Variants in ZFYVE9 observed in about 807,000 individuals in gnomAD.
ZFYVE9 encodes zinc finger FYVE domain-containing protein 9.
A neutral mutation model predicts 126.7 loss-of-function variants in ZFYVE9; 43 were observed. The ratio of observed to expected loss-of-function variants is 0.34; its 90% CI spans 0.27 to 0.44. The LOEUF is 0.44. Among genes scored for constraint, ZFYVE9 ranks in the 20% least tolerant of loss-of-function variants. The pLI, the probability that ZFYVE9 is intolerant of heterozygous loss-of-function variation, is 1.00. For missense variants in ZFYVE9, 1,476 were observed against 1,697.0 expected (o/e 0.87, Z 2.29); for synonymous variants, 521 against 597.4 (o/e 0.87, Z 1.87).
At chr1:52,332,210 T>G (rs200167414) in intron 13 of ZFYVE9, among the ~76,000 whole-genome samples, 29 of 152,192 alleles carry the variant, frequency 1.9e-4, no homozygotes, top group African/African-American at 6.5e-4. Flanking sequence ...TTTTTTTTTT[T>G]GGATTAGGTC....
At chr1:52,150,019 TGAA>T (rs999257985) in intron 1 of ZFYVE9, 3 of 152,190 alleles carry the variant, frequency 2.0e-5, no homozygotes, top group African/African-American at 4.8e-5. Context: ...TTTATTAAAA[TGAA>T]GAAAGAGTAA....
Position 52,160,742 on chromosome 1 carries a change from T to C in ZFYVE9, c.-143+18339T>C, listed in dbSNP as rs1644450455. 4 of 396,788 alleles carry C rather than the reference T, an allele frequency of 1.0e-5. No individual in the cohort carries two copies. In the South Asian group the frequency reaches 3.2e-4, roughly 32 times the overall value. The allele number at this position is 396,788 out of a possible 1,614,324, so 24.6% of individuals were successfully genotyped here. A position where few individuals can be genotyped will look rare whatever the true frequency, so the allele number is the denominator to read the frequency against. ...ATGACATTTTTCTAAGTTGCTTTGA[T>C]TCTTTATGAATAAAAACCTTTTAGA... On this transcript the variant is annotated intron_variant, in intron 1 of 18. Coordinates refer to ENST00000287727, the MANE Select transcript of ZFYVE9 (RefSeq NM_004799.4).
chr1:52,287,697 A>C (rs951778040), intron 10 of ZFYVE9, among the ~76,000 whole-genome samples: 18 of 107,126 alleles, frequency 1.7e-4, no homozygotes, highest in Non-Finnish European at 2.5e-4. Context: ...TATCTGTACC[A>C]AAAAAAAAAA....
chr1:52,251,442 A>G (rs1024665974), intron 4 of ZFYVE9, among the ~76,000 whole-genome samples: 2 of 151,918 alleles, frequency 1.3e-5, no homozygotes, highest in Non-Finnish European at 2.9e-5. Flanking sequence ...CTTTTTCTGT[A>G]TGAATTGAGA....
chr1:52,317,867 AATAG>A lies in ZFYVE9; in HGVS notation c.3438+13946_3438+13949del, dbSNP rs1646200163. On this transcript the variant is annotated intron_variant, in intron 13 of 18. Transcript: ENST00000287727. The stretch of plus-strand genomic sequence containing the variant: ...TAAGTTTTCACAGCTCTCAAGATTA[AATAG>A]ATAACCTAAATAGCCCTGTATTTAT... Among the ~76,000 whole-genome samples, 2 of 152,208 alleles carry A rather than the reference AATAG, an allele frequency of 1.3e-5. 1 individual carries two copies. The highest frequency in any genetic ancestry group is 4.1e-4 in the South Asian group (2 of 4,824).
intron 1 of ZFYVE9, among the ~76,000 whole-genome samples, chr1:52,169,180 T>G (rs1033838414): frequency 9.2e-5 from 14 of 152,092 alleles, no homozygotes; most frequent in African/African-American, 3.4e-4. Flanking sequence ...GCGGGTAGAT[T>G]GCTTGAGTCC....
intron 9 of ZFYVE9, among the ~76,000 whole-genome samples, chr1:52,280,462 G>A (rs1449488928): frequency 6.6e-6 from 1 of 151,948 alleles, no homozygotes; most frequent in African/African-American, 2.4e-5. Flanking sequence ...CATAAAGCAA[G>A]GATTCCCAAA....
At chr1:52,304,305 C>G (rs562473369) in intron 13 of ZFYVE9, among the ~76,000 whole-genome samples, 8 of 152,196 alleles carry the variant, frequency 5.3e-5, no homozygotes, top group Non-Finnish European at 8.8e-5. Flanking sequence ...CTGTGTCGCC[C>G]AGGCTGGAGT....
chr1:52,253,562 C>A, intron 4 of ZFYVE9: 1 of 819,310 alleles, frequency 1.2e-6, no homozygotes, highest in Non-Finnish European at 2.1e-6. Flanking sequence ...GGGAGTGGCA[C>A]AGAGCTGCTG....
chr1:52,176,833 A>G (rs1471012437), intron 1 of ZFYVE9, among the ~76,000 whole-genome samples: 2 of 152,134 alleles, frequency 1.3e-5, no homozygotes, highest in African/African-American at 4.8e-5. Context: ...GCCGTTTCCT[A>G]AGCCCGTCAG....
At chr1:52,159,141 C>T (rs1644431099) in intron 1 of ZFYVE9, among the ~76,000 whole-genome samples, 1 of 152,144 alleles carries the variant, frequency 6.6e-6, no homozygotes, top group Non-Finnish European at 1.5e-5. Context: ...ATCTTTACAC[C>T]AGTTTGAGTG....
intron 4 of ZFYVE9, among the ~76,000 whole-genome samples, chr1:52,262,083 G>C (rs904713050): frequency 6.6e-6 from 1 of 152,186 alleles, no homozygotes; most frequent in Non-Finnish European, 1.5e-5. Context: ...ACAGAGATTT[G>C]TTACAGTCTG....
intron 18 of ZFYVE9, among the ~76,000 whole-genome samples, 198 bp downstream of exon 18, chr1:52,345,142 C>A (rs772093466): frequency 2.0e-5 from 3 of 152,174 alleles, no homozygotes; most frequent in Non-Finnish European, 4.4e-5. Flanking sequence ...ACCATTTGAA[C>A]TGTGGCTTCT....
chr1:52,165,106 T>TA (rs968178623), intron 1 of ZFYVE9, among the ~76,000 whole-genome samples: 235 of 151,218 alleles, frequency 1.6e-3, no homozygotes, highest in African/African-American at 4.8e-3. Context: ...TTTACCACAA[T>TA]AAAAAAAAAT....
chr1:52,261,389 C>A (rs1170536025), intron 4 of ZFYVE9, among the ~76,000 whole-genome samples: 1 of 152,124 alleles, frequency 6.6e-6, no homozygotes, highest in Non-Finnish European at 1.5e-5. Context: ...AGGTGTACTC[C>A]TCTATGCCCA....
At chr1:52,243,465 A>G (rs1301743023) in intron 4 of ZFYVE9, among the ~76,000 whole-genome samples, 1 of 152,222 alleles carries the variant, frequency 6.6e-6, no homozygotes, top group Non-Finnish European at 1.5e-5. Flanking sequence ...GAAGTAGAAC[A>G]GCATGGACAA....
At chr1:52,305,711 C>A (rs527577230) in intron 13 of ZFYVE9, among the ~76,000 whole-genome samples, 4 of 152,122 alleles carry the variant, frequency 2.6e-5, no homozygotes, top group African/African-American at 2.4e-5. Context: ...GGAGCTCCCC[C>A]CTTGCAGGCA....
At chr1:52,147,148 A>T (rs892352227) in intron 1 of ZFYVE9, among the ~76,000 whole-genome samples, 16 of 152,202 alleles carry the variant, frequency 1.1e-4, no homozygotes, top group African/African-American at 3.9e-4. Context: ...CAGAATTCTA[A>T]TCTGTCCCAA....
chr1:52,206,000 A>G (rs531737227), intron 1 of ZFYVE9, among the ~76,000 whole-genome samples: 3 of 152,288 alleles, frequency 2.0e-5, no homozygotes, highest in Non-Finnish European at 4.4e-5. Flanking sequence ...TTAAAGTTGA[A>G]ACTGATTTTG....
Sources: allele counts gnomAD v4.1 joint callset (sites outside exome capture counted in the v4.1 genomes callset), GRCh38; gene constraint gnomAD v4.1.1; transcripts MANE v1.5; gene names NCBI Gene and HGNC (gene_info 2026-07-23, HGNC 2026-07-21).